The following NDE1 variants were observed in gnomAD, a reference collection of about 807,000 sequenced individuals.
The protein encoded by NDE1 is nudE neurodevelopment protein 1, also known as nuclear distribution protein nudE homolog 1.
NDE1 carries 28 observed loss-of-function variants against 43.4 expected under a neutral mutation model. The ratio of observed to expected loss-of-function variants is 0.65; its 90% CI spans 0.48 to 0.89. The LOEUF is 0.89. Ranked by LOEUF, NDE1 falls within the 40% of genes least tolerant of loss-of-function variation. The probability of loss-of-function intolerance (pLI) is 0.00; values close to 1 mark genes in which losing one functional copy is unlikely to be tolerated. For synonymous variants in NDE1, 184 were observed against 172.0 expected, an observed-to-expected ratio of 1.07 and a Z score of -0.55; for missense variants, 441 against 434.1, an observed-to-expected ratio of 1.02 and a Z score of -0.14.
intron 8 of NDE1, chr16:15,715,125 G>A (rs1567683942): frequency 6.2e-7 from 1 of 1,612,466 alleles, no homozygotes; most frequent in East Asian, 2.2e-5. Context: ...GGCCGGCTGG[G>A]GGCTGGGGGC....
intron 1 of NDE1, among the ~76,000 whole-genome samples, chr16:15,653,040 A>G (rs1462757724): frequency 2.6e-5 from 4 of 152,176 alleles, no homozygotes; most frequent in African/African-American, 9.7e-5. Context: ...GCAAGGTGTC[A>G]GGTACAAATC....
chr16:15,715,097 G>A, intron 8 of NDE1: 1 of 1,612,650 alleles, frequency 6.2e-7, no homozygotes, highest in Non-Finnish European at 8.5e-7. Context: ...GCGGAGAGTT[G>A]GAGGGGTGGT....
rs541503223 is a variant in NDE1 at position 15,707,192 on chromosome 16, A to C, written c.947+10332A>C. ...TAACTGGGACTACAGACATGCCACC[A>C]CTCCTGGCTAATTTTTGTATTTTTA... On this transcript the variant is annotated intron_variant, in intron 8 of 8. Transcript: ENST00000396354. 4.0e-5 allele frequency among the ~76,000 whole-genome samples: 6 copies of C among 151,506 alleles called. No individual in the cohort carries two copies. In the South Asian group the frequency reaches 1.3e-3, roughly 32 times the overall value.
chr16:15,692,823 A>G (rs1445338856), intron 6 of NDE1, among the ~76,000 whole-genome samples: 4 of 148,624 alleles, frequency 2.7e-5, no homozygotes, highest in Non-Finnish European at 6.0e-5. Context: ...TGCAGCCTCC[A>G]ACTCCTGGGC....
intron 8 of NDE1, chr16:15,713,458 C>T (rs1257861387): frequency 6.6e-6 from 1 of 151,812 alleles, no homozygotes; most frequent in Non-Finnish European, 1.5e-5. Context: ...TGTGGGAGGA[C>T]CCCTGAGCAA....
At chr16:15,689,016 G>A (rs1024723186) in intron 5 of NDE1, among the ~76,000 whole-genome samples, 3 of 151,976 alleles carry the variant, frequency 2.0e-5, no homozygotes, top group Non-Finnish European at 2.9e-5. Context: ...TATTTATAAC[G>A]TCGATTTGCT....
intron 7 of NDE1, among the ~76,000 whole-genome samples, chr16:15,696,180 A>C (rs1007034797): frequency 6.7e-6 from 1 of 148,996 alleles, no homozygotes; most frequent in Non-Finnish European, 1.5e-5. Context: ...ATTTTAAAAA[A>C]TTTTTCGTAA....
rs761097049 is a variant in NDE1 at position 15,724,380 on chromosome 16, G to C, written c.*129G>C. The C allele has an allele frequency of 6.2e-7, 1 of 1,613,972 alleles. No individual in the cohort carries two copies. The highest frequency in any genetic ancestry group is 1.7e-4 in the Middle Eastern group (1 of 6,042). On this transcript the variant is annotated 3_prime_UTR_variant, in exon 9 of 9. Transcript: ENST00000396354. ...CCAGAGCTTCCACGGTGCTGGCAAAGTCCTGCAGCTTCTTCTTCGAGTCGG... is the reference window on the plus strand; with the variant it reads ...CCAGAGCTTCCACGGTGCTGGCAAACTCCTGCAGCTTCTTCTTCGAGTCGG...
chr16:15,724,931 G>A lies in NDE1; in HGVS notation c.*680G>A, dbSNP rs764769079. On this transcript the variant is annotated 3_prime_UTR_variant, in exon 9 of 9. Transcript: ENST00000396354. ...GGAACTGAGGGACGCCACGTCCTTG[G>A]CCAGCTTAATGGCCTTCCCCTCGGC... The A allele has an allele frequency of 1.2e-6, 2 of 1,614,106 alleles. No homozygotes were observed. Among genetic ancestry groups the A allele is most frequent in the South Asian group, 2.2e-5 (2 of 91,084 alleles).
intron 8 of NDE1, chr16:15,704,030 A>C (rs1388227616): frequency 6.2e-7 from 1 of 1,614,008 alleles, no homozygotes; most frequent in Non-Finnish European, 8.5e-7. Context: ...CTGCGTCTCG[A>C]GTGTCCGTTT....
chr16:15,689,953 A>T (rs1367191393), intron 5 of NDE1, among the ~76,000 whole-genome samples: 3 of 152,068 alleles, frequency 2.0e-5, no homozygotes, highest in Non-Finnish European at 4.4e-5. Flanking sequence ...AAAAAAAAAA[A>T]AAAAAATTCA....
chr16:15,691,613 C>G (rs988732734), intron 6 of NDE1, among the ~76,000 whole-genome samples: 2 of 149,922 alleles, frequency 1.3e-5, no homozygotes, highest in Non-Finnish European at 3.0e-5. Context: ...TTTTTCCATT[C>G]TTCAAAGCCA....
At chr16:15,667,908 A>G (rs1014363643) in intron 3 of NDE1, among the ~76,000 whole-genome samples, 1 of 148,954 alleles carries the variant, frequency 6.7e-6, no homozygotes, top group Admixed American at 6.6e-5. Flanking sequence ...AGTCACACAC[A>G]TGTTCCCGTG....
intron 7 of NDE1, 130 bp downstream of exon 7, chr16:15,694,386 C>T (rs1309300184): frequency 1.4e-5 from 21 of 1,532,682 alleles, no homozygotes; most frequent in Non-Finnish European, 1.8e-5. Context: ...TGCTCTGTTG[C>T]TCAGGCTGGA....
intron 1 of NDE1, among the ~76,000 whole-genome samples, chr16:15,663,949 A>T (rs1402151837): frequency 1.3e-5 from 2 of 152,058 alleles, no homozygotes; most frequent in East Asian, 3.9e-4. Flanking sequence ...TGCCTGTAAA[A>T]TCGCAGTTGC....
chr16:15,669,738 G>A (rs952901557), intron 3 of NDE1, among the ~76,000 whole-genome samples: 1 of 150,880 alleles, frequency 6.6e-6, no homozygotes, highest in Non-Finnish European at 1.5e-5. Context: ...CAGGTGATCC[G>A]CCCGCCTCAG....
In NDE1 at chr16:15,715,086, C is replaced by A. The variant is rs201028938; in HGVS notation, c.948-9105C>A. ...CCTGGCATTGCCTTTCTCTGCCTGTCGCGGAGAGTTGGAGGGGTGGTTAGG... is the reference window on the plus strand; with the variant it reads ...CCTGGCATTGCCTTTCTCTGCCTGTAGCGGAGAGTTGGAGGGGTGGTTAGG... On this transcript the variant is annotated intron_variant, in intron 8 of 8. Transcript: ENST00000396354. The A allele has an allele frequency of 8.7e-6, 14 of 1,612,276 alleles. No homozygotes were observed. Among genetic ancestry groups the A allele is most frequent in the Middle Eastern group, 1.7e-4 (1 of 6,060 alleles).
At chr16:15,673,544 G>T (rs2037708683) in intron 3 of NDE1, among the ~76,000 whole-genome samples, 1 of 150,970 alleles carries the variant, frequency 6.6e-6, no homozygotes. Flanking sequence ...CCCCAGGCTG[G>T]TGATTTTTTT....
In NDE1 at chr16:15,721,017, T is replaced by A. The variant is rs1343964791; in HGVS notation, c.948-3174T>A. On this transcript the variant is annotated intron_variant, in intron 8 of 8. Transcript: ENST00000396354. ...CGTCTTCATCTCCTCCATCTGGGTC[T>A]CCAGGGCCCGCTTGGACTTCTCCAG... The A allele has an allele frequency of 5.0e-6, 8 of 1,613,934 alleles. No homozygotes were observed. The highest frequency in any genetic ancestry group is 1.3e-5 in the African/African-American group (1 of 74,906).
Sources: allele counts gnomAD v4.1 joint callset (sites outside exome capture counted in the v4.1 genomes callset), GRCh38; gene constraint gnomAD v4.1.1; transcripts MANE v1.5; gene names NCBI Gene and HGNC (gene_info 2026-07-23, HGNC 2026-07-21).